IL21R: variants seen among roughly 807,000 people sequenced by gnomAD.
IL21R encodes the protein interleukin-21 receptor.
A neutral mutation model predicts 41.3 loss-of-function variants in IL21R; 14 were observed. That is an observed-to-expected ratio of 0.34 (90% confidence interval 0.22 to 0.53). The LOEUF is 0.53. IL21R is among the 20% of genes least tolerant of loss of function. The probability of loss-of-function intolerance (pLI) is 0.94; values close to 1 mark genes in which losing one functional copy is unlikely to be tolerated. For missense variants in IL21R, 588 were observed against 681.6 expected, an observed-to-expected ratio of 0.86 and a Z score of 1.53; for synonymous variants, 286 against 287.6, an observed-to-expected ratio of 0.99 and a Z score of 0.05.
rs1171442663 is a variant in IL21R, at chr16:27,418,011, A to ATTTATTTTATTTTATTTTATTTTAT, written c.-16-12012_-16-11988dup. 1.9e-3 allele frequency among the ~76,000 whole-genome samples: 188 copies of ATTTATTTTATTTTATTTTATTTTAT among 97,960 alleles called. 3 individuals carry two copies. The highest frequency in any genetic ancestry group is 5.4e-3 in the Middle Eastern group (1 of 184). The allele number at this position is 97,960 out of a possible 152,430, so 64.3% of individuals were successfully genotyped here. ...CTTACTGTAACATTTTTCCTATTTT[A>ATTTATTTTATTTTATTTTATTTTAT]TTTATTTTATTTTATTTTATTTTAT... is the stretch of plus-strand genomic sequence containing the variant. On this transcript the variant is annotated intron_variant, in intron 1 of 8. Transcript: ENST00000337929.
chr16:27,411,036 A>T (rs2086814824), intron 1 of IL21R, among the ~76,000 whole-genome samples: 1 of 152,190 alleles, frequency 6.6e-6, no homozygotes, highest in Admixed American at 6.5e-5. Flanking sequence ...TCCATTATGT[A>T]TGTACTACAT....
At chr16:27,440,279 A>AGAGAGAGAGAGC (rs1567370043) in intron 4 of IL21R, among the ~76,000 whole-genome samples, 17 of 131,872 alleles carry the variant, frequency 1.3e-4, no homozygotes, top group African/African-American at 5.0e-4. Flanking sequence ...AGAGAGAGAG[A>AGAGAGAGAGAGC]GCGAGCAAGC....
rs1472567139 is a variant in IL21R at position 27,432,064 on chromosome 16, T to C, written c.49+1944T>C. Among the ~76,000 whole-genome samples the C allele has an allele frequency of 2.6e-5, 4 of 152,242 alleles. No homozygotes were observed. In the East Asian group the frequency reaches 7.7e-4, roughly 29 times the overall value. ...TCGTCCAGCCCTCTTATAGCATCAATAATTCATTCAGGGGGGCTCTGCCCC... is the reference window on the plus strand; with the variant it reads ...TCGTCCAGCCCTCTTATAGCATCAACAATTCATTCAGGGGGGCTCTGCCCC... On this transcript the variant is annotated intron_variant, in intron 2 of 8. Transcript: ENST00000337929.
chr16:27,435,432 CTTTTTTATTTTA>C (rs1324559740), intron 3 of IL21R, among the ~76,000 whole-genome samples: 1 of 150,280 alleles, frequency 6.7e-6, no homozygotes, highest in African/African-American at 2.5e-5. Flanking sequence ...GGTGCTTTCT[CTTTTTTATTTTA>C]TTTTATTTTA....
chr16:27,449,316 C>T lies in IL21R; in HGVS notation c.*33C>T. On this transcript the variant is annotated 3_prime_UTR_variant, in exon 9 of 9. Transcript: ENST00000337929. ...GACTGGATGTCCAGAGCTGGCCAGG[C>T]CACTGGGCCCTGAGCCAGAGACAAG... 2 of 1,543,268 alleles carry T rather than the reference C, an allele frequency of 1.3e-6. No homozygotes were observed. Among genetic ancestry groups the T allele is most frequent in the Non-Finnish European group, 1.7e-6 (2 of 1,147,498 alleles).
chr16:27,440,290 G>GAGCA (rs1399472209), intron 4 of IL21R, among the ~76,000 whole-genome samples: 2 of 134,178 alleles, frequency 1.5e-5, no homozygotes, highest in African/African-American at 5.9e-5. Flanking sequence ...GCGAGCAAGC[G>GAGCA]CGCGCCAGGG....
intron 4 of IL21R, among the ~76,000 whole-genome samples, chr16:27,439,663 C>T (rs2087345746): frequency 6.6e-6 from 1 of 152,180 alleles, no homozygotes; most frequent in South Asian, 2.1e-4. Context: ...CATGCACACA[C>T]TCACACATGC....
chr16:27,417,061 T>C (rs975517159), intron 1 of IL21R, among the ~76,000 whole-genome samples: 3 of 152,358 alleles, frequency 2.0e-5, no homozygotes, highest in Admixed American at 2.0e-4. Context: ...TTTGGTATTA[T>C]GAATAATGTT....
At chr16:27,439,343 T>C (rs1444574990) in intron 4 of IL21R, among the ~76,000 whole-genome samples, 1 of 150,752 alleles carries the variant, frequency 6.6e-6, no homozygotes, top group East Asian at 2.0e-4. Flanking sequence ...CTCACTCTCA[T>C]ACACACTCAC....
At chr16:27,432,987 C>G (rs538516384) in intron 2 of IL21R, among the ~76,000 whole-genome samples, 2 of 152,290 alleles carry the variant, frequency 1.3e-5, no homozygotes, top group South Asian at 4.1e-4. Context: ...ATGGTCTAGT[C>G]TTGGAGCCTC....
intron 3 of IL21R, among the ~76,000 whole-genome samples, chr16:27,435,190 G>A (rs2087246532): frequency 6.6e-6 from 1 of 152,090 alleles, no homozygotes; most frequent in Non-Finnish European, 1.5e-5. Context: ...AGGAGGTCGA[G>A]GCTGCAGTGA....
rs375615168 is a variant in IL21R at position 27,445,999 on chromosome 16, C to G, written c.786-8C>G. ...TGTCAGGGTCCTCACCCCTCTCTGCCCCCTCAGGCTATGGAAGAAGATATG... is the reference window on the plus strand; with the variant it reads ...TGTCAGGGTCCTCACCCCTCTCTGCGCCCTCAGGCTATGGAAGAAGATATG... On this transcript the variant is annotated splice_region_variant and splice_polypyrimidine_tract_variant and intron_variant, in intron 7 of 8. Transcript: ENST00000337929. 6.2e-7 allele frequency: 1 copy of G among 1,608,504 alleles called. No homozygotes were observed. The highest frequency in any genetic ancestry group is 8.5e-7 in the Non-Finnish European group (1 of 1,177,096).
rs550887496 is a variant in IL21R at position 27,430,780 on chromosome 16, T to A, written c.49+660T>A. Among the ~76,000 whole-genome samples, 219 of 152,144 alleles carry A rather than the reference T, an allele frequency of 1.4e-3. 1 individual carries two copies. The highest frequency in any genetic ancestry group is 2.4e-4 in the Non-Finnish European group (16 of 67,998). ...CAGTGAGTCAAGGTGACAACTGTAC[T>A]CCAGCCTGGGCAACAGAGCGAGACC... On this transcript the variant is annotated intron_variant, in intron 2 of 8. Transcript: ENST00000337929.
chr16:27,441,756 C>T (rs982773530), intron 4 of IL21R, among the ~76,000 whole-genome samples: 1 of 152,158 alleles, frequency 6.6e-6, no homozygotes, highest in Non-Finnish European at 1.5e-5. Context: ...TTCTTGCAAT[C>T]CCAGGATTTT....
chr16:27,438,109 T>C (rs971329685), intron 4 of IL21R, among the ~76,000 whole-genome samples: 4 of 152,118 alleles, frequency 2.6e-5, no homozygotes, highest in Non-Finnish European at 4.4e-5. Context: ...TTGAAGGAGC[T>C]AGGCTGGGAC....
intron 3 of IL21R, among the ~76,000 whole-genome samples, chr16:27,435,695 C>G (rs2087257239): frequency 6.6e-6 from 1 of 152,132 alleles, no homozygotes; most frequent in Non-Finnish European, 1.5e-5. Context: ...CTCAAGCAAT[C>G]TGCCCACCTC....
chr16:27,415,738 C>T (rs935879895), intron 1 of IL21R, among the ~76,000 whole-genome samples: 1 of 152,170 alleles, frequency 6.6e-6, no homozygotes, highest in Non-Finnish European at 1.5e-5. Context: ...TTCTTTTTGT[C>T]TCCTAATCTT....
At chr16:27,440,813 G>C (rs887328600) in intron 4 of IL21R, among the ~76,000 whole-genome samples, 1 of 152,130 alleles carries the variant, frequency 6.6e-6, no homozygotes, top group Non-Finnish European at 1.5e-5. Flanking sequence ...CACTTTGGGA[G>C]GTTGAGGTGG....
chr16:27,449,880 C>A lies in IL21R; in HGVS notation c.*597C>A, dbSNP rs2239928. ...GGAATGGCAATTTTTTGGGCGGCCC[C>A]TGGACGAAGGTCTGAATCCCGACTC... On this transcript the variant is annotated 3_prime_UTR_variant, in exon 9 of 9. Transcript: ENST00000337929. 58,658 of 233,496 alleles carry A rather than the reference C, an allele frequency of 0.25. 7,915 individuals carry two copies. Among genetic ancestry groups the A allele is most frequent in the African/African-American group, 0.38 (17,128 of 45,350 alleles). The allele number at this position is 233,496 out of a possible 1,614,324, so 14.5% of individuals were successfully genotyped here. A position where few individuals can be genotyped will look rare whatever the true frequency, so the allele number is the denominator to read the frequency against.
Sources: allele counts gnomAD v4.1 joint callset (sites outside exome capture counted in the v4.1 genomes callset), GRCh38; gene constraint gnomAD v4.1.1; transcripts MANE v1.5; gene names NCBI Gene and HGNC (gene_info 2026-07-23, HGNC 2026-07-21).